SSH2: variants seen among roughly 807,000 people sequenced by gnomAD.
The protein encoded by SSH2 is slingshot protein phosphatase 2.
Under a neutral mutation model 135.2 loss-of-function variants are expected in SSH2, and 37 were observed. The observed-to-expected ratio is 0.27, with a 90% CI of 0.21 to 0.36. SSH2 has a LOEUF of 0.36. Ranked by LOEUF, SSH2 falls within the 10% of genes least tolerant of loss-of-function variation. SSH2 has a pLI of 1.00. For missense variants in SSH2, 1,408 were observed against 1,765.3 expected (o/e 0.80, Z 3.63); for synonymous variants, 628 against 646.2 (o/e 0.97, Z 0.43).
At position 29,829,404 on chromosome 17, in the gene SSH2, C is replaced by T. The variant is rs190231686; in HGVS notation, c.144+19445G>A. Among the ~76,000 whole-genome samples the T allele has an allele frequency of 4.6e-5, 7 of 152,164 alleles. No individual in the cohort carries two copies. In the East Asian group the frequency reaches 1.4e-3, roughly 29 times the overall value. Reference sequence around the variant, plus strand: ...TTCCCTTTTATTAAGAGCTCCATTCCCTGACAAGTGAGTTAACCAAACTAA... The same window carrying T: ...TTCCCTTTTATTAAGAGCTCCATTCTCTGACAAGTGAGTTAACCAAACTAA... On this transcript the variant is annotated intron_variant, in intron 2 of 15. Coordinates refer to ENST00000540801, the MANE Select transcript of SSH2 (RefSeq NM_001282129.2).
chr17:29,807,178 T>A (rs2042361336), intron 2 of SSH2, among the ~76,000 whole-genome samples: 1 of 152,178 alleles, frequency 6.6e-6, no homozygotes. Flanking sequence ...TAACAAATAC[T>A]CCTAAATGAA....
intron 3 of SSH2, among the ~76,000 whole-genome samples, chr17:29,765,844 A>G (rs2041430710): frequency 6.6e-6 from 1 of 151,694 alleles, no homozygotes; most frequent in South Asian, 2.1e-4. Flanking sequence ...ACATGGTGAA[A>G]CTCCTTCTCT....
chr17:29,744,860 A>AGTGTGTGTGTGTGTGTGTGTGT (rs71689248), intron 3 of SSH2, among the ~76,000 whole-genome samples: 1 of 140,426 alleles, frequency 7.1e-6, no homozygotes, highest in African/African-American at 2.8e-5. Flanking sequence ...GGATTACTTG[A>AGTGTGTGTGTGTGTGTGTGTGT]GTGTGTGTGT....
rs1567822525 is a variant in SSH2, at chr17:29,631,122, CTGTTGTTGT to C, written c.4063_4071del (p.Thr1355_Thr1357del). 3 of 1,614,206 alleles carry C rather than the reference CTGTTGTTGT, an allele frequency of 1.9e-6. No individual in the cohort carries two copies. Among genetic ancestry groups the C allele is most frequent in the Non-Finnish European group, 2.5e-6 (3 of 1,180,040 alleles). ...ACTGGCTTGCTCTGCACAATACACTCTGTTGTTGTGAGTTGTTCTACAAAAGACTTGGTG... is the reference window on the plus strand; with the variant it reads ...ACTGGCTTGCTCTGCACAATACACTCGAGTTGTTCTACAAAAGACTTGGTG... On this transcript the variant is annotated inframe_deletion, in exon 16 of 16. Transcript: ENST00000540801.
intron 2 of SSH2, among the ~76,000 whole-genome samples, chr17:29,797,829 A>G (rs2042183831): frequency 6.6e-6 from 1 of 152,188 alleles, no homozygotes; most frequent in Non-Finnish European, 1.5e-5. Context: ...TTGAAGTTGC[A>G]GTGAGCTATG....
rs1555610353 is a variant in SSH2, at chr17:29,678,716, T to TTC, written c.480-976_480-975insGA. Reference sequence around the variant, plus strand: ...ATGGTATTTAAAAATACTATTTCTTTTTTTTTTTTTTTTTTTGAGACAGAG... The same window carrying TTC: ...ATGGTATTTAAAAATACTATTTCTTTTCTTTTTTTTTTTTTTTTGAGACAGAG... On this transcript the variant is annotated intron_variant, in intron 6 of 15. Coordinates refer to ENST00000540801, the MANE Select transcript of SSH2 (RefSeq NM_001282129.2). 2.8e-5 allele frequency among the ~76,000 whole-genome samples: 4 copies of TTC among 141,128 alleles called. No homozygotes were observed. In the South Asian group the frequency reaches 7.0e-4, roughly 25 times the overall value. The allele number at this position is 141,128 out of a possible 152,430, so 92.6% of individuals were successfully genotyped here.
intron 2 of SSH2, among the ~76,000 whole-genome samples, chr17:29,811,567 A>T (rs1228070962): frequency 1.9e-5 from 2 of 107,350 alleles, no homozygotes; most frequent in African/African-American, 5.9e-5. Flanking sequence ...AATGTGAACC[A>T]CAAGTTTTTT....
chr17:29,650,452 G>T (rs889481064), intron 13 of SSH2, among the ~76,000 whole-genome samples: 1 of 152,102 alleles, frequency 6.6e-6, no homozygotes, highest in African/African-American at 2.4e-5. Context: ...CCAACATGAG[G>T]TTACTTTCTC....
chr17:29,886,254 C>T (rs1031299428), intron 1 of SSH2, among the ~76,000 whole-genome samples: 1 of 152,110 alleles, frequency 6.6e-6, no homozygotes, highest in East Asian at 1.9e-4. Flanking sequence ...AAGGTCCAGG[C>T]TGAGGTGGTC....
chr17:29,629,493 C>T lies in SSH2; in HGVS notation c.*1348G>A, dbSNP rs1253823278. On this transcript the variant is annotated 3_prime_UTR_variant, in exon 16 of 16. Coordinates refer to ENST00000540801, the MANE Select transcript of SSH2 (RefSeq NM_001282129.2). ...TGGTGATTGGAAGTCTCCATTTAAA[C>T]AACTACAGCCACCATCAACATATTG... The T allele has an allele frequency of 2.0e-5, 3 of 152,676 alleles. No individual in the cohort carries two copies. The highest frequency in any genetic ancestry group is 7.2e-5 in the African/African-American group (3 of 41,470). The allele number at this position is 152,676 out of a possible 1,614,324, so 9.5% of individuals were successfully genotyped here. A position where few individuals can be genotyped will look rare whatever the true frequency, so the allele number is the denominator to read the frequency against.
intron 14 of SSH2, among the ~76,000 whole-genome samples, chr17:29,639,184 C>G (rs910896132): frequency 6.6e-6 from 1 of 152,182 alleles, no homozygotes; most frequent in East Asian, 1.9e-4. Context: ...TCCCCTCCAT[C>G]ACCATTTTAT....
intron 1 of SSH2, among the ~76,000 whole-genome samples, chr17:29,867,282 A>C (rs2065869638): frequency 6.6e-6 from 1 of 152,182 alleles, no homozygotes; most frequent in African/African-American, 2.4e-5. Context: ...AAATCACCTT[A>C]CATATTAGTT....
intron 14 of SSH2, among the ~76,000 whole-genome samples, chr17:29,641,141 C>T (rs1169419921): frequency 6.6e-6 from 1 of 152,108 alleles, no homozygotes; most frequent in Non-Finnish European, 1.5e-5. Context: ...AAACTCCTGA[C>T]CTCAAGTGAT....
intron 3 of SSH2, chr17:29,776,368 A>C (rs2041700781): frequency 6.6e-6 from 1 of 152,116 alleles, no homozygotes; most frequent in Admixed American, 6.5e-5. Flanking sequence ...ACTTACCAAC[A>C]ATCCCAAACT....
chr17:29,738,818 T>C (rs896155489), intron 3 of SSH2, among the ~76,000 whole-genome samples: 1 of 152,104 alleles, frequency 6.6e-6, no homozygotes, highest in Non-Finnish European at 1.5e-5. Context: ...CCTCCCAAAG[T>C]GCTGGGATTA....
chr17:29,815,550 T>C (rs1411970679), intron 2 of SSH2, among the ~76,000 whole-genome samples: 1 of 152,316 alleles, frequency 6.6e-6, no homozygotes, highest in Non-Finnish European at 1.5e-5. Context: ...CATGAGCCAC[T>C]GTGCCCAGCC....
In SSH2 at chr17:29,790,569, T is replaced by C. The variant is rs1414751884; in HGVS notation, c.188+3325A>G. Among the ~76,000 whole-genome samples the C allele has an allele frequency of 2.0e-5, 3 of 152,188 alleles. No homozygotes were observed. The East Asian group carries it at 5.8e-4, about 29-fold the overall frequency. On this transcript the variant is annotated intron_variant, in intron 3 of 15. Coordinates refer to ENST00000540801, the MANE Select transcript of SSH2 (RefSeq NM_001282129.2). ...GATTTAACCCCTTATGATTTGCAAA[T>C]ATTTTCTTCTGTTCCATGGGTTGCC...
At chr17:29,702,884 T>G (rs2039044357) in intron 4 of SSH2, 75 bp downstream of exon 4, 32 of 1,097,010 alleles carry the variant, frequency 2.9e-5, no homozygotes, top group Middle Eastern at 2.0e-4. Flanking sequence ...GAGATGGGGA[T>G]GAGGTAGTCA....
At chr17:29,900,857 A>T (rs1260413626) in intron 1 of SSH2, among the ~76,000 whole-genome samples, 2 of 152,108 alleles carry the variant, frequency 1.3e-5, no homozygotes, top group African/African-American at 4.8e-5. Context: ...CTATTCACAA[A>T]AGCAAAGACT....
Sources: gnomAD v4.1 joint callset for allele counts (sites outside exome capture counted in the v4.1 genomes callset) on GRCh38, gnomAD v4.1.1 for gene constraint, MANE v1.5 for transcripts, NCBI Gene and HGNC (gene_info 2026-07-23, HGNC 2026-07-21) for gene names.